Variants in PTPRT observed in about 807,000 individuals in gnomAD.
PTPRT encodes the protein receptor-type tyrosine-protein phosphatase T.
A neutral mutation model predicts 176.8 loss-of-function variants in PTPRT; 56 were observed. The ratio of observed to expected loss-of-function variants is 0.32; its 90% CI spans 0.26 to 0.40. PTPRT has a LOEUF of 0.40. PTPRT is among the 10% of genes least tolerant of loss of function. The probability of loss-of-function intolerance (pLI) is 1.00; values close to 1 mark genes in which losing one functional copy is unlikely to be tolerated. For missense variants in PTPRT, 1,540 were observed against 1,908.2 expected (o/e 0.81, Z 3.60); for synonymous variants, 783 against 739.0 (o/e 1.06, Z -0.96).
Position 43,068,514 on chromosome 20 carries a change from A to C in PTPRT, c.88+121132T>G, listed in dbSNP as rs548937156. ...AGAGAGACTCTGTCTCAAAAAAAAA[A>C]AAAAAAAAAAGCCAATTAGGGAAGG... On this transcript the variant is annotated intron_variant, in intron 1 of 30. Coordinates refer to ENST00000373187, the MANE Select transcript of PTPRT (RefSeq NM_007050.6). Among the ~76,000 whole-genome samples the C allele has an allele frequency of 3.5e-3, 528 of 151,486 alleles. 4 individuals are homozygous for C. The highest frequency in any genetic ancestry group is 0.012 in the African/African-American group (507 of 41,294).
intron 1 of PTPRT, among the ~76,000 whole-genome samples, chr20:43,022,843 T>G (rs1255394101): frequency 6.6e-6 from 1 of 152,218 alleles, no homozygotes; most frequent in Non-Finnish European, 1.5e-5. Context: ...GTCTTCCACC[T>G]TGCTAGAGCC....
At chr20:42,763,722 T>C (rs1054363854) in intron 5 of PTPRT, among the ~76,000 whole-genome samples, 13 of 152,254 alleles carry the variant, frequency 8.5e-5, no homozygotes, top group Non-Finnish European at 1.6e-4. Context: ...TGGCAGTCTC[T>C]AAAGAATAGC....
At chr20:42,128,409 A>G (rs1987963180) in intron 19 of PTPRT, among the ~76,000 whole-genome samples, 1 of 152,102 alleles carries the variant, frequency 6.6e-6, no homozygotes, top group South Asian at 2.1e-4. Flanking sequence ...CATAGCATCT[A>G]GTATACATTT....
At chr20:43,143,731 G>A (rs2014086736) in intron 1 of PTPRT, among the ~76,000 whole-genome samples, 1 of 152,178 alleles carries the variant, frequency 6.6e-6, no homozygotes, top group South Asian at 2.1e-4. Context: ...AGCTGATCTG[G>A]GAAGCAAGTA....
chr20:42,544,794 C>T (rs1168477955), intron 7 of PTPRT, among the ~76,000 whole-genome samples: 1 of 152,162 alleles, frequency 6.6e-6, no homozygotes, highest in Non-Finnish European at 1.5e-5. Context: ...GAATAACAGA[C>T]ATGGGTCTTC....
At chr20:42,834,298 A>G (rs2078143394) in intron 2 of PTPRT, among the ~76,000 whole-genome samples, 1 of 152,134 alleles carries the variant, frequency 6.6e-6, no homozygotes. Context: ...AAATCACAAT[A>G]AGACACAACT....
At chr20:42,791,077 C>T (rs961618173) in intron 3 of PTPRT, 118 bp downstream of exon 3, 8 of 1,288,418 alleles carry the variant, frequency 6.2e-6, no homozygotes, top group Middle Eastern at 2.6e-4. Context: ...GGAGGAGAAG[C>T]ACAGTAAACA....
intron 7 of PTPRT, among the ~76,000 whole-genome samples, chr20:42,551,805 T>C (rs2072775738): frequency 6.6e-6 from 1 of 152,184 alleles, no homozygotes; most frequent in African/African-American, 2.4e-5. Context: ...TTGGTATGAC[T>C]ACTATACCCA....
intron 1 of PTPRT, among the ~76,000 whole-genome samples, chr20:42,916,250 T>A (rs944593209): frequency 2.0e-4 from 31 of 152,152 alleles, no homozygotes; most frequent in African/African-American, 7.5e-4. Flanking sequence ...TTACTGAGAA[T>A]GATGGTTTCC....
chr20:42,109,259 A>C (rs1164160893), intron 23 of PTPRT, among the ~76,000 whole-genome samples: 1 of 151,732 alleles, frequency 6.6e-6, no homozygotes, highest in African/African-American at 2.4e-5. Flanking sequence ...CAGGGATGTG[A>C]TAACTCAAGC....
At chr20:42,194,659 A>G (rs1327458959) in intron 16 of PTPRT, among the ~76,000 whole-genome samples, 1 of 152,220 alleles carries the variant, frequency 6.6e-6, no homozygotes, top group East Asian at 1.9e-4. Flanking sequence ...TAACAAGTAC[A>G]CAGGGCAGTA....
chr20:42,788,350 A>C (rs2077322903), intron 3 of PTPRT, among the ~76,000 whole-genome samples: 1 of 152,098 alleles, frequency 6.6e-6, no homozygotes, highest in East Asian at 2.0e-4. Context: ...GAGTGGCTGA[A>C]TGATGGTGTG....
chr20:42,539,388 G>A (rs2072537248), intron 7 of PTPRT, among the ~76,000 whole-genome samples: 1 of 143,386 alleles, frequency 7.0e-6, no homozygotes, highest in African/African-American at 2.6e-5. Context: ...TGTGGTAATC[G>A]CAGGGTTGGG....
At chr20:42,368,291 G>A (rs2058542204) in intron 9 of PTPRT, among the ~76,000 whole-genome samples, 1 of 152,174 alleles carries the variant, frequency 6.6e-6, no homozygotes, top group Non-Finnish European at 1.5e-5. Flanking sequence ...TGCGTACCCA[G>A]CATGGCCATC....
chr20:43,165,406 AC>A (rs2014831259), intron 1 of PTPRT, among the ~76,000 whole-genome samples: 2 of 151,890 alleles, frequency 1.3e-5, no homozygotes, highest in Admixed American at 1.3e-4. Flanking sequence ...CAGGTGATCC[AC>A]CCGACTCGGC....
chr20:42,433,346 A>G (rs2145808413), intron 9 of PTPRT, among the ~76,000 whole-genome samples: 1 of 152,348 alleles, frequency 6.6e-6, no homozygotes, highest in African/African-American at 2.4e-5. Context: ...ATTCTGTAGG[A>G]TGAACCAATG....
intron 2 of PTPRT, among the ~76,000 whole-genome samples, chr20:42,813,947 A>G (rs79015883): frequency 6.6e-6 from 1 of 152,152 alleles, no homozygotes; most frequent in Non-Finnish European, 1.5e-5. Context: ...AACCTCCTCC[A>G]TAACCCCCTT....
At chr20:42,580,335 C>T (rs62203795) in intron 7 of PTPRT, among the ~76,000 whole-genome samples, 29,340 of 151,398 alleles carry the variant, frequency 0.19, 4,746 homozygotes, top group African/African-American at 0.42. Context: ...AGTCAGGTAG[C>T]GTGATGCCTC....
chr20:42,397,465 T>TC (rs2058862939), intron 9 of PTPRT, among the ~76,000 whole-genome samples: 1 of 152,142 alleles, frequency 6.6e-6, no homozygotes, highest in South Asian at 2.1e-4. Context: ...CATTCTCCCT[T>TC]CCCCTCTAGA....
Sources: allele counts gnomAD v4.1 joint callset (sites outside exome capture counted in the v4.1 genomes callset), GRCh38; gene constraint gnomAD v4.1.1; transcripts MANE v1.5; gene names NCBI Gene and HGNC (gene_info 2026-07-23, HGNC 2026-07-21).